OAS1: variants seen among roughly 807,000 people sequenced by gnomAD.
OAS1 encodes the protein 2'-5'-oligoadenylate synthase 1.
OAS1 carries 24 observed loss-of-function variants against 38.5 expected under a neutral mutation model. The ratio of observed to expected loss-of-function variants is 0.62; its 90% CI spans 0.45 to 0.88. The LOEUF (loss-of-function observed/expected upper bound fraction) is 0.88. Ranked by LOEUF, OAS1 falls within the 40% of genes least tolerant of loss-of-function variation. OAS1 has a pLI of 0.00. For synonymous variants in OAS1, 169 were observed against 193.9 expected (o/e 0.87, Z 1.07); for missense variants, 482 against 493.9 (o/e 0.98, Z 0.23).
At position 112,907,156 on chromosome 12, in the gene OAS1, G is replaced by A; in HGVS notation, c.117G>A (p.Gly39=). The A allele has an allele frequency of 6.2e-7, 1 of 1,614,216 alleles. No homozygotes were observed. Among genetic ancestry groups the A allele is most frequent in the Non-Finnish European group, 8.5e-7 (1 of 1,180,038 alleles). ...ACCATGCCATTGACATCATCTGTGGGTTCCTGAAGGAAAGGTGCTTCCGAG... is the reference window on the plus strand; with the variant it reads ...ACCATGCCATTGACATCATCTGTGGATTCCTGAAGGAAAGGTGCTTCCGAG... ...QINHAIDIIC[G]FLKERCFRGS... is the part of the protein sequence containing the mutation. Residue 39 remains glycine, a synonymous_variant, in exon 1 of 6, where the codon GGG becomes GGA. Transcript: ENST00000202917.
Position 112,919,637 on chromosome 12 carries a change from G to A in OAS1, c.*84G>A, listed in dbSNP as rs2660. Reference sequence around the variant, plus strand: ...TCAGGTGGGACTCTTGATCCAGAGAGGACAAAGCTCCTCAGTGAGCTGGTG... The same window carrying A: ...TCAGGTGGGACTCTTGATCCAGAGAAGACAAAGCTCCTCAGTGAGCTGGTG... On this transcript the variant is annotated 3_prime_UTR_variant, in exon 6 of 6. Coordinates refer to ENST00000202917, the MANE Select transcript of OAS1 (RefSeq NM_016816.4). The A allele has an allele frequency of 0.68, 1,087,363 of 1,607,450 alleles. 372,892 individuals are homozygous for A. The highest frequency in any genetic ancestry group is 0.93 in the African/African-American group (69,987 of 74,864).
downstream of OAS1, among the ~76,000 whole-genome samples, chr12:112,923,267 C>T (rs563531125): frequency 1.3e-5 from 2 of 152,190 alleles, no homozygotes; most frequent in Admixed American, 6.5e-5. Flanking sequence ...TGGAACATAT[C>T]GTAGTTCCAT....
At chr12:112,909,624 C>G (rs1261184413) in intron 2 of OAS1, among the ~76,000 whole-genome samples, 1 of 152,144 alleles carries the variant, frequency 6.6e-6, no homozygotes, top group African/African-American at 2.4e-5. Flanking sequence ...ACGAATGTAC[C>G]ACTGCACTCC....
chr12:112,917,417 C>A, intron 4 of OAS1, 130 bp from the exon 5 acceptor site: 1 of 1,226,782 alleles, frequency 8.2e-7, no homozygotes, highest in Admixed American at 2.0e-5. Flanking sequence ...GGACATACCC[C>A]AGGGAGCCCT....
At position 112,919,536 on chromosome 12, in the gene OAS1, A is replaced by T. The variant is rs1008340134; in HGVS notation, c.1186A>T (p.Thr396Ser). 3 of 1,614,172 alleles carry T rather than the reference A, an allele frequency of 1.9e-6. No homozygotes were observed. The African/African-American group carries it at 4.0e-5, about 22-fold the overall frequency. Reference sequence around the variant, plus strand: ...CACCCCACAGGCAGAAGAGGACTGGACCTGCACCATCCTCTGAATGCCAGT... The same window carrying T: ...CACCCCACAGGCAGAAGAGGACTGGTCCTGCACCATCCTCTGAATGCCAGT... ...ASTPQAEEDW[T>S]CTIL The change falls in exon 6 of 6, where the codon ACC becomes TCC. Residue 396 changes from threonine to serine, a missense_variant. Physicochemically the swap from Thr to Ser is moderately conservative, Grantham distance 58. Coordinates refer to ENST00000202917, the MANE Select transcript of OAS1 (RefSeq NM_016816.4).
chr12:112,916,401 G>T, intron 3 of OAS1, 108 bp from the exon 4 acceptor site: 1 of 777,848 alleles, frequency 1.3e-6, no homozygotes, highest in Admixed American at 2.5e-5. Flanking sequence ...TTCGTTCCAA[G>T]GAAACTTTAT....
At chr12:112,927,343 A>G (rs4766672) in intron 6 of OAS1, among the ~76,000 whole-genome samples, 112,180 of 152,030 alleles carry the variant, frequency 0.74, 42,517 homozygotes, top group African/African-American at 0.91. Context: ...CTGACTTCCC[A>G]CAACATCACT....
At chr12:112,921,514 G>A (rs2043528665), downstream of OAS1, among the ~76,000 whole-genome samples, 1 of 152,176 alleles carries the variant, frequency 6.6e-6, no homozygotes. Context: ...GAGTATACCG[G>A]GATTGTTTTT....
At chr12:112,910,989 A>G in intron 2 of OAS1, 62 bp from the exon 3 acceptor site, 2 of 1,486,692 alleles carry the variant, frequency 1.3e-6, no homozygotes, top group Non-Finnish European at 1.9e-6. Context: ...TTGTCCCCTC[A>G]GAGTGACTGA....
chr12:112,912,177 A>C (rs2043391845), intron 3 of OAS1, among the ~76,000 whole-genome samples: 1 of 152,156 alleles, frequency 6.6e-6, no homozygotes, highest in Non-Finnish European at 1.5e-5. Flanking sequence ...GTCTCTACAA[A>C]ATAAACTAAA....
At chr12:112,932,257 T>C, downstream of OAS1, 1 of 210,404 alleles carries the variant, frequency 4.8e-6, no homozygotes. Context: ...GAGTTAGCTG[T>C]GTATGACTGA....
rs146375694 is a variant in OAS1 at position 112,911,045 on chromosome 12, G to C, written c.470-6G>C. On this transcript the variant is annotated splice_polypyrimidine_tract_variant and splice_region_variant and intron_variant, in intron 2 of 5. Transcript: ENST00000202917. Reference sequence around the variant, plus strand: ...GACACCTAAGTTGTAGATTTTGCCCGAACAGGTCAGTTGACTGGCGGCTAT... The same window carrying C: ...GACACCTAAGTTGTAGATTTTGCCCCAACAGGTCAGTTGACTGGCGGCTAT... The C allele has an allele frequency of 2.5e-6, 4 of 1,611,852 alleles. No individual in the cohort carries two copies. The highest frequency in any genetic ancestry group is 2.7e-5 in the African/African-American group (2 of 74,856).
At chr12:112,915,176 G>A (rs1183632463) in intron 3 of OAS1, among the ~76,000 whole-genome samples, 1 of 152,074 alleles carries the variant, frequency 6.6e-6, no homozygotes, top group Non-Finnish European at 1.5e-5. Flanking sequence ...TGGGTTCTTG[G>A]TCATGAAGTC....
At chr12:112,927,646 T>G (rs559315750) in intron 6 of OAS1, among the ~76,000 whole-genome samples, 1 of 152,212 alleles carries the variant, frequency 6.6e-6, no homozygotes, top group Admixed American at 6.5e-5. Context: ...CTTGGTTTGA[T>G]GAATTAGTTA....
intron 6 of OAS1, chr12:112,931,829 A>T (rs1428232562): frequency 2.9e-6 from 2 of 680,420 alleles, no homozygotes; most frequent in Non-Finnish European, 5.3e-6. Flanking sequence ...CTCTGGGCAG[A>T]CAGGCTCCTC....
intron 3 of OAS1, 65 bp downstream of exon 3, chr12:112,911,300 A>T: frequency 3.4e-6 from 4 of 1,171,616 alleles, no homozygotes; most frequent in Non-Finnish European, 4.6e-6. Flanking sequence ...GGGTGGGGGG[A>T]GGAGAGAAAG....
At chr12:112,930,663 A>C (rs1025199148) in intron 6 of OAS1, among the ~76,000 whole-genome samples, 1 of 152,242 alleles carries the variant, frequency 6.6e-6, no homozygotes, top group Non-Finnish European at 1.5e-5. Flanking sequence ...GTCCCTGCCA[A>C]TCTGCACCCC....
chr12:112,913,280 T>A (rs1396939970), intron 3 of OAS1, among the ~76,000 whole-genome samples: 2 of 152,184 alleles, frequency 1.3e-5, no homozygotes, highest in Non-Finnish European at 2.9e-5. Context: ...ATGTAAAAGT[T>A]TTCTCTTTGT....
At chr12:112,912,588 A>G (rs2043400105) in intron 3 of OAS1, among the ~76,000 whole-genome samples, 1 of 152,244 alleles carries the variant, frequency 6.6e-6, no homozygotes, top group Admixed American at 6.5e-5. Flanking sequence ...TGTAGAATTT[A>G]CAAAAGCAGT....
Sources: gnomAD v4.1 joint callset for allele counts (sites outside exome capture counted in the v4.1 genomes callset) on GRCh38, gnomAD v4.1.1 for gene constraint, MANE v1.5 for transcripts, NCBI Gene and HGNC (gene_info 2026-07-23, HGNC 2026-07-21) for gene names.